The following ITGA4 variants were observed in gnomAD, a reference collection of about 807,000 sequenced individuals.
ITGA4 encodes integrin alpha-4.
ITGA4 carries 63 observed loss-of-function variants against 133.6 expected under a neutral mutation model. The observed-to-expected ratio is 0.47, with a 90% CI of 0.38 to 0.58. The LOEUF (loss-of-function observed/expected upper bound fraction) is 0.58. Ranked by LOEUF, ITGA4 falls within the 20% of genes least tolerant of loss-of-function variation. The pLI, the probability that ITGA4 is intolerant of heterozygous loss-of-function variation, is 0.00. For synonymous variants in ITGA4, 483 were observed against 438.0 expected, an observed-to-expected ratio of 1.10 and a Z score of -1.28; for missense variants, 1,076 against 1,252.7, an observed-to-expected ratio of 0.86 and a Z score of 2.13.
chr2:181,506,933 G>C (rs1412513791), intron 15 of ITGA4, among the ~76,000 whole-genome samples: 1 of 152,062 alleles, frequency 6.6e-6, no homozygotes, highest in Non-Finnish European at 1.5e-5. Context: ...AACTCATCTA[G>C]CATAATATAA....
intron 17 of ITGA4, among the ~76,000 whole-genome samples, chr2:181,517,136 A>T (rs753169027): frequency 1.3e-5 from 2 of 152,070 alleles, no homozygotes; most frequent in African/African-American, 4.8e-5. Flanking sequence ...AAAGGAAAAA[A>T]AGATAAAAAT....
chr2:181,532,654 C>G (rs548651486), intron 25 of ITGA4, among the ~76,000 whole-genome samples: 1 of 152,072 alleles, frequency 6.6e-6, no homozygotes, highest in Non-Finnish European at 1.5e-5. Flanking sequence ...GGGGCTGAGA[C>G]CATGGAGTTT....
intron 20 of ITGA4, 44 bp downstream of exon 20, chr2:181,524,294 T>C (rs759737666): frequency 1.9e-6 from 2 of 1,081,002 alleles, no homozygotes; most frequent in Non-Finnish European, 2.7e-6. Context: ...TATACCCCCA[T>C]ATTCTGAGGG....
At chr2:181,478,993 AT>A (rs1685743488) in intron 5 of ITGA4, 169 bp downstream of exon 5, 1 of 405,536 alleles carries the variant, frequency 2.5e-6, no homozygotes, top group African/African-American at 2.1e-5. Flanking sequence ...TTCCACATAT[AT>A]TTCAATAAAA....
Position 181,537,871 on chromosome 2 carries a change from G to GAGGTT in ITGA4, c.*2347_*2351dup, listed in dbSNP as rs1351470854. 3.8e-6 allele frequency: 2 copies of GAGGTT among 532,690 alleles called. No individual in the cohort carries two copies. The highest frequency in any genetic ancestry group is 3.1e-5 in the South Asian group (2 of 65,116). The allele number at this position is 532,690 out of a possible 1,614,324, so 33.0% of individuals were successfully genotyped here. A position where few individuals can be genotyped will look rare whatever the true frequency, so the allele number is the denominator to read the frequency against. On this transcript the variant is annotated 3_prime_UTR_variant, in exon 28 of 28. Coordinates refer to ENST00000397033, the MANE Select transcript of ITGA4 (RefSeq NM_000885.6). ...GGATATCCGTTTGGCCACACAGCAG[G>GAGGTT]AGGTTAGAGCAATGGAGCATTACTG...
chr2:181,527,359 T>C lies in ITGA4; in HGVS notation c.2402T>C (p.Met801Thr), dbSNP rs766044192. ...SNDENEPETC[M>T]VEKMNLTFHV... Reference sequence around the variant, plus strand: ...GATGAAAATGAGCCTGAAACGTGCATGGTGGAGAAAATGAACTTAACTTTC... The same window carrying C: ...GATGAAAATGAGCCTGAAACGTGCACGGTGGAGAAAATGAACTTAACTTTC... The change falls in exon 22 of 28, where the codon ATG (methionine) becomes ACG (threonine). Residue 801 changes from methionine (M) to threonine (T), a missense_variant. Transcript: ENST00000397033. 1.2e-6 allele frequency: 2 copies of C among 1,612,364 alleles called. No homozygotes were observed. Among genetic ancestry groups the C allele is most frequent in the Admixed American group, 1.7e-5 (1 of 60,014 alleles).
chr2:181,489,608 T>C (rs1204865205), intron 10 of ITGA4, among the ~76,000 whole-genome samples: 1 of 152,224 alleles, frequency 6.6e-6, no homozygotes, highest in African/African-American at 2.4e-5. Context: ...TACTATTATT[T>C]TGTGTGCACC....
chr2:181,488,246 C>T (rs1179807806), intron 10 of ITGA4, among the ~76,000 whole-genome samples: 5 of 152,046 alleles, frequency 3.3e-5, no homozygotes, highest in African/African-American at 9.7e-5. Context: ...AGTGTTCGGT[C>T]GATGAGACTT....
chr2:181,533,142 T>C (rs1455763354), intron 25 of ITGA4, among the ~76,000 whole-genome samples: 2 of 152,166 alleles, frequency 1.3e-5, no homozygotes, highest in Non-Finnish European at 2.9e-5. Flanking sequence ...GAGATGAAAC[T>C]AGTTTTATGT....
chr2:181,522,323 C>A lies in ITGA4; in HGVS notation c.2055C>A (p.Phe685Leu). 1 of 1,603,952 alleles carries A rather than the reference C, an allele frequency of 6.2e-7. No individual in the cohort carries two copies. Among genetic ancestry groups the A allele is most frequent in the African/African-American group, 1.3e-5 (1 of 74,646 alleles). The change falls in exon 18 of 28, where the codon TTC (phenylalanine) becomes TTA (leucine). Residue 685 changes from phenylalanine to leucine, a missense_variant. Phe to Leu is a conservative substitution (Grantham distance 22). Transcript: ENST00000397033. ...LHVKLPVGLY[F>L]IKILELEEKQ... is the part of the protein sequence containing the mutation. ...TCAAACTACCCGTGGGTCTTTATTT[C>A]ATTAAGATTTTAGAGCTGGTAAGTA...
At chr2:181,529,041 A>G (rs1686888669) in intron 22 of ITGA4, among the ~76,000 whole-genome samples, 1 of 152,206 alleles carries the variant, frequency 6.6e-6, no homozygotes, top group Non-Finnish European at 1.5e-5. Flanking sequence ...CCCTTAGCAC[A>G]GAGTGCTTTT....
At chr2:181,478,912 TA>T (rs56194227) in intron 5 of ITGA4, 88 bp downstream of exon 5, 17 of 640,174 alleles carry the variant, frequency 2.7e-5, no homozygotes, top group Middle Eastern at 3.2e-4. Flanking sequence ...TGTTTTAAAG[TA>T]AAAATTGTGT....
At chr2:181,497,003 A>G (rs906606820) in intron 14 of ITGA4, among the ~76,000 whole-genome samples, 1 of 152,208 alleles carries the variant, frequency 6.6e-6, no homozygotes, top group Non-Finnish European at 1.5e-5. Context: ...ACTTTAGATC[A>G]GACTCATTTT....
intron 17 of ITGA4, among the ~76,000 whole-genome samples, chr2:181,521,619 C>A (rs962609664): frequency 6.6e-6 from 1 of 152,158 alleles, no homozygotes; most frequent in Non-Finnish European, 1.5e-5. Context: ...TTAAATTTGG[C>A]CTAGTTACTG....
chr2:181,514,962 T>G (rs1686577289), intron 17 of ITGA4, among the ~76,000 whole-genome samples: 1 of 152,124 alleles, frequency 6.6e-6, no homozygotes, highest in African/African-American at 2.4e-5. Flanking sequence ...CATAATGATT[T>G]TAAATGAAGT....
At chr2:181,488,998 T>C (rs1001344452) in intron 10 of ITGA4, among the ~76,000 whole-genome samples, 1 of 152,226 alleles carries the variant, frequency 6.6e-6, no homozygotes, top group African/African-American at 2.4e-5. Context: ...CATTCCACCA[T>C]GTCTGCCTGC....
At chr2:181,462,714 A>G (rs1051896695) in intron 2 of ITGA4, among the ~76,000 whole-genome samples, 4 of 152,150 alleles carry the variant, frequency 2.6e-5, no homozygotes, top group Non-Finnish European at 5.9e-5. Context: ...CCCAAACTTT[A>G]TGTCCCAAAA....
intron 4 of ITGA4, among the ~76,000 whole-genome samples, chr2:181,476,509 T>C (rs1685680936): frequency 6.6e-6 from 1 of 152,220 alleles, no homozygotes; most frequent in Non-Finnish European, 1.5e-5. Context: ...CTTATTTTCA[T>C]AGAAGTTTAC....
intron 22 of ITGA4, among the ~76,000 whole-genome samples, chr2:181,528,556 TG>T (rs1686879712): frequency 6.6e-6 from 1 of 152,206 alleles, no homozygotes; most frequent in South Asian, 2.1e-4. Flanking sequence ...AACAGATGTT[TG>T]TGATTTAGAT....
Sources: allele counts gnomAD v4.1 joint callset (sites outside exome capture counted in the v4.1 genomes callset), GRCh38; gene constraint gnomAD v4.1.1; transcripts MANE v1.5; gene names NCBI Gene and HGNC (gene_info 2026-07-23, HGNC 2026-07-21).